LAMC1: variants seen among roughly 807,000 people sequenced by gnomAD.
LAMC1 encodes the protein laminin subunit gamma-1.
A neutral mutation model predicts 173.6 loss-of-function variants in LAMC1; 38 were observed. The ratio of observed to expected loss-of-function variants is 0.22; its 90% CI spans 0.17 to 0.29. The LOEUF is 0.29. Ranked by LOEUF, LAMC1 falls within the 10% of genes least tolerant of loss-of-function variation. The pLI, the probability that LAMC1 is intolerant of heterozygous loss-of-function variation, is 1.00. For missense variants in LAMC1, 1,824 were observed against 2,051.8 expected, an observed-to-expected ratio of 0.89 and a Z score of 2.14; for synonymous variants, 746 against 749.1, an observed-to-expected ratio of 1.00 and a Z score of 0.07.
chr1:183,124,356 G>A (rs1247927395), intron 13 of LAMC1, among the ~76,000 whole-genome samples: 1 of 152,178 alleles, frequency 6.6e-6, no homozygotes, highest in Non-Finnish European at 1.5e-5. Context: ...CATTTACCGA[G>A]CACTTTTAAT....
intron 24 of LAMC1, 42 bp downstream of exon 24, chr1:183,135,198 T>C: frequency 8.4e-7 from 1 of 1,191,934 alleles, no homozygotes; most frequent in Non-Finnish European, 1.2e-6. Context: ...CTTCCGCCAC[T>C]AGAGTGATTT....
At chr1:183,056,117 G>C (rs1031138749) in intron 1 of LAMC1, among the ~76,000 whole-genome samples, 8 of 152,256 alleles carry the variant, frequency 5.3e-5, no homozygotes, top group Non-Finnish European at 1.0e-4. Flanking sequence ...GGGCAGTGTG[G>C]TGCAGTGGTT....
At position 183,142,663 on chromosome 1, in the gene LAMC1, A is replaced by G; in HGVS notation, c.4703A>G (p.Gln1568Arg). ...GACCTGGAGAATGAAGCCAAGAAGC[A>G]GGAGGCTGCCATCATGGACTATAAC... Reference protein sequence around the residue: ...VSDLENEAKKQEAAIMDYNRD... With the variant: ...VSDLENEAKKREAAIMDYNRD... The change falls in exon 28 of 28, where the codon CAG (glutamine) becomes CGG (arginine). Residue 1568 changes from glutamine to arginine, a missense_variant. Coordinates refer to ENST00000258341, the MANE Select transcript of LAMC1 (RefSeq NM_002293.4). 1 of 1,614,150 alleles carries G rather than the reference A, an allele frequency of 6.2e-7. No individual in the cohort carries two copies. The highest frequency in any genetic ancestry group is 8.5e-7 in the Non-Finnish European group (1 of 1,179,996).
At chr1:183,074,488 G>A (rs1482414802) in intron 1 of LAMC1, among the ~76,000 whole-genome samples, 5 of 152,162 alleles carry the variant, frequency 3.3e-5, no homozygotes, top group African/African-American at 4.8e-5. Context: ...ACAGGGTCCT[G>A]GTCTAAAGCT....
intron 2 of LAMC1, 79 bp downstream of exon 2, chr1:183,103,711 G>A (rs753726751): frequency 1.3e-5 from 16 of 1,264,876 alleles, no homozygotes; most frequent in Non-Finnish European, 1.6e-5. Flanking sequence ...AGTGGGGCTT[G>A]TGGTCCCACT....
At chr1:183,052,897 G>A (rs1203898409) in intron 1 of LAMC1, among the ~76,000 whole-genome samples, 3 of 152,108 alleles carry the variant, frequency 2.0e-5, no homozygotes, top group African/African-American at 7.2e-5. Flanking sequence ...CTACACTAAT[G>A]TTCTCTAGGA....
At chr1:183,100,120 AG>A (rs1641753756) in intron 1 of LAMC1, among the ~76,000 whole-genome samples, 1 of 152,180 alleles carries the variant, frequency 6.6e-6, no homozygotes, top group African/African-American at 2.4e-5. Flanking sequence ...TCGCCTTTGT[AG>A]TACATCAGTT....
At chr1:183,129,082 C>CTTTTTTTT (rs201079710) in intron 18 of LAMC1, among the ~76,000 whole-genome samples, 2 of 110,016 alleles carry the variant, frequency 1.8e-5, no homozygotes, top group African/African-American at 3.6e-5. Flanking sequence ...TCTTCATAAG[C>CTTTTTTTT]TTTTTTTTTT....
At chr1:183,033,700 A>AT (rs1275626830) in intron 1 of LAMC1, among the ~76,000 whole-genome samples, 17 of 150,902 alleles carry the variant, frequency 1.1e-4, no homozygotes, top group South Asian at 4.2e-4. Flanking sequence ...AGAAACTTTT[A>AT]TTTTTTTTTG....
intron 1 of LAMC1, among the ~76,000 whole-genome samples, chr1:183,028,564 A>T (rs550301285): frequency 3.9e-4 from 60 of 152,366 alleles, no homozygotes; most frequent in African/African-American, 1.3e-3. Flanking sequence ...GCCTAAAGTC[A>T]TGTGGGAGAT....
intron 1 of LAMC1, among the ~76,000 whole-genome samples, chr1:183,055,139 C>T (rs1654551351): frequency 6.6e-6 from 1 of 151,942 alleles, no homozygotes; most frequent in Non-Finnish European, 1.5e-5. Flanking sequence ...CAGGTGCCTG[C>T]CACCGCGCCT....
chr1:183,128,867 T>G, intron 18 of LAMC1, 117 bp downstream of exon 18: 1 of 682,772 alleles, frequency 1.5e-6, no homozygotes, highest in Non-Finnish European at 2.2e-6. Context: ...AAACTACTCA[T>G]AGATTATAAA....
chr1:183,115,503 G>A lies in LAMC1; in HGVS notation c.1211-17G>A. ...CTGGCCGAATTTTTGTTTGACAATAGGCATTTTACATTTTAGGCTCTCTAA... is the reference window on the plus strand; with the variant it reads ...CTGGCCGAATTTTTGTTTGACAATAAGCATTTTACATTTTAGGCTCTCTAA... On this transcript the variant is annotated splice_polypyrimidine_tract_variant and intron_variant, in intron 5 of 27. Coordinates refer to ENST00000258341, the MANE Select transcript of LAMC1 (RefSeq NM_002293.4). The A allele has an allele frequency of 6.4e-7, 1 of 1,567,616 alleles. No individual in the cohort carries two copies. The highest frequency in any genetic ancestry group is 8.8e-7 in the Non-Finnish European group (1 of 1,138,736).
intron 1 of LAMC1, among the ~76,000 whole-genome samples, chr1:183,064,583 A>AT (rs1212632737): frequency 6.6e-6 from 1 of 152,198 alleles, no homozygotes; most frequent in Non-Finnish European, 1.5e-5. Flanking sequence ...TGGTGAATCA[A>AT]TGAGTAACAG....
intron 10 of LAMC1, 34 bp from the exon 11 acceptor site, chr1:183,118,000 A>G (rs1656369407): frequency 4.7e-6 from 6 of 1,265,972 alleles, no homozygotes; most frequent in African/African-American, 1.5e-5. Context: ...AATTGTCCTT[A>G]CAGAGGTTAA....
intron 1 of LAMC1, among the ~76,000 whole-genome samples, chr1:183,026,639 C>T (rs1366737077): frequency 6.6e-6 from 1 of 152,150 alleles, no homozygotes; most frequent in Non-Finnish European, 1.5e-5. Flanking sequence ...TTCACATACC[C>T]TTAAACAAGT....
chr1:183,108,506 G>C (rs1176557478), intron 3 of LAMC1, 100 bp downstream of exon 3: 4 of 1,087,026 alleles, frequency 3.7e-6, no homozygotes, highest in Middle Eastern at 4.9e-4. Flanking sequence ...GTTGTTAGAT[G>C]TTTTCTTTAC....
chr1:183,093,384 T>C (rs1453210316), intron 1 of LAMC1, among the ~76,000 whole-genome samples: 1 of 152,162 alleles, frequency 6.6e-6, no homozygotes, highest in Non-Finnish European at 1.5e-5. Flanking sequence ...TAAAAGAAGC[T>C]TTTTAAAATT....
intron 14 of LAMC1, 78 bp downstream of exon 14, chr1:183,124,954 T>C: frequency 2.0e-6 from 3 of 1,534,218 alleles, no homozygotes; most frequent in Non-Finnish European, 2.7e-6. Flanking sequence ...TCTTAAAATA[T>C]GTATAGTTGT....
Sources: gnomAD v4.1 joint callset for allele counts (sites outside exome capture counted in the v4.1 genomes callset) on GRCh38, gnomAD v4.1.1 for gene constraint, MANE v1.5 for transcripts, NCBI Gene and HGNC (gene_info 2026-07-23, HGNC 2026-07-21) for gene names.